ENOX1: variants seen among roughly 807,000 people sequenced by gnomAD.
ENOX1 encodes ecto-NOX disulfide-thiol exchanger 1.
Under a neutral mutation model 82.5 loss-of-function variants are expected in ENOX1, and 42 were observed. The observed-to-expected ratio is 0.51, with a 90% CI of 0.40 to 0.66. The LOEUF (loss-of-function observed/expected upper bound fraction) is 0.66, where lower values mean the gene tolerates loss of function less well. Among genes scored for constraint, ENOX1 ranks in the 30% least tolerant of loss-of-function variants. ENOX1 has a pLI of 0.00. For synonymous variants in ENOX1, 271 were observed against 282.2 expected, an observed-to-expected ratio of 0.96 and a Z score of 0.40; for missense variants, 608 against 811.6, an observed-to-expected ratio of 0.75 and a Z score of 3.05.
At chr13:43,610,060 A>T (rs2082133511) in intron 2 of ENOX1, 1 of 203,612 alleles carries the variant, frequency 4.9e-6, no homozygotes, top group Admixed American at 6.5e-5. Flanking sequence ...TTTCACTTTG[A>T]CCCATTTCAA....
At chr13:43,423,450 T>C (rs78537561) in intron 3 of ENOX1, among the ~76,000 whole-genome samples, 4,731 of 152,322 alleles carry the variant, frequency 0.031, 127 homozygotes, top group Non-Finnish European at 0.053. Context: ...TACAGGTTCA[T>C]AGAGTAATTC....
At chr13:43,391,965 T>C (rs532020405) in intron 5 of ENOX1, among the ~76,000 whole-genome samples, 3 of 152,308 alleles carry the variant, frequency 2.0e-5, no homozygotes, top group African/African-American at 4.8e-5. Context: ...GCTCTTCACA[T>C]AACCAGTTCC....
At chr13:43,447,312 G>A (rs928236822) in intron 3 of ENOX1, among the ~76,000 whole-genome samples, 38 of 152,254 alleles carry the variant, frequency 2.5e-4, no homozygotes, top group African/African-American at 9.1e-4. Context: ...AAAGTATGTC[G>A]ATGTCACTTG....
At chr13:43,310,118 G>A (rs1446189355) in intron 11 of ENOX1, among the ~76,000 whole-genome samples, 1 of 19,684 alleles carries the variant, frequency 5.1e-5, no homozygotes, top group Non-Finnish European at 3.1e-4. Flanking sequence ...CAGGAGAATC[G>A]CTTGAACCCG....
At chr13:43,425,438 G>A (rs753751344) in intron 3 of ENOX1, among the ~76,000 whole-genome samples, 2 of 152,054 alleles carry the variant, frequency 1.3e-5, no homozygotes, top group Non-Finnish European at 2.9e-5. Context: ...CACCCCTACC[G>A]TCCCCCATTA....
intron 1 of ENOX1, among the ~76,000 whole-genome samples, chr13:43,732,877 G>C (rs9567256): frequency 0.32 from 48,518 of 152,000 alleles, 8,172 homozygotes; most frequent in East Asian, 0.48. Flanking sequence ...TTGCCCATTA[G>C]ACTGCTCTGA....
At chr13:43,219,068 T>C (rs17460206) in intron 16 of ENOX1, among the ~76,000 whole-genome samples, 33,626 of 152,058 alleles carry the variant, frequency 0.22, 4,259 homozygotes, top group Non-Finnish European at 0.29. Flanking sequence ...GTTTACCCCT[T>C]TCCTCATCTC....
intron 3 of ENOX1, among the ~76,000 whole-genome samples, chr13:43,435,894 T>C (rs1365446247): frequency 2.7e-5 from 4 of 147,602 alleles, no homozygotes; most frequent in Admixed American, 6.8e-5. Flanking sequence ...GAAAACACCA[T>C]GAATGGAGAA....
Position 43,427,061 on chromosome 13 carries a change from T to C in ENOX1, c.-74-14073A>G, listed in dbSNP as rs1174300635. Among the ~76,000 whole-genome samples, 4 of 152,328 alleles carry C rather than the reference T, an allele frequency of 2.6e-5. No individual in the cohort carries two copies. In the East Asian group the frequency reaches 7.7e-4, roughly 29 times the overall value. Reference sequence around the variant, plus strand: ...TTTGCACAGAAATGCAATGACACAGTTCTCTTCAATCTGAGAGTAAATATC... The same window carrying C: ...TTTGCACAGAAATGCAATGACACAGCTCTCTTCAATCTGAGAGTAAATATC... On this transcript the variant is annotated intron_variant, in intron 3 of 16. Coordinates refer to ENST00000690772, the MANE Select transcript of ENOX1 (RefSeq NM_001347969.2).
intron 2 of ENOX1, among the ~76,000 whole-genome samples, chr13:43,609,591 A>G (rs1566627633): frequency 6.6e-6 from 1 of 152,228 alleles, no homozygotes; most frequent in Non-Finnish European, 1.5e-5. Flanking sequence ...CTAAAAGGCA[A>G]AGCAATTATA....
At chr13:43,690,497 A>T (rs1481103291) in intron 1 of ENOX1, among the ~76,000 whole-genome samples, 1 of 152,154 alleles carries the variant, frequency 6.6e-6, no homozygotes. Flanking sequence ...TCAGTAGCAC[A>T]AATCATATGC....
chr13:43,650,645 C>G (rs1214612405), intron 2 of ENOX1, among the ~76,000 whole-genome samples: 2 of 75,560 alleles, frequency 2.6e-5, no homozygotes, highest in African/African-American at 5.3e-5. Context: ...TCGAGACCAT[C>G]CTGGGCAACA....
At chr13:43,428,804 G>C (rs1209038539) in intron 3 of ENOX1, among the ~76,000 whole-genome samples, 2 of 152,132 alleles carry the variant, frequency 1.3e-5, no homozygotes, top group African/African-American at 4.8e-5. Context: ...CGGGTGGGGG[G>C]TACTGTGGAG....
chr13:43,492,527 A>G (rs767805181), intron 2 of ENOX1, among the ~76,000 whole-genome samples: 2 of 152,226 alleles, frequency 1.3e-5, no homozygotes, highest in Non-Finnish European at 2.9e-5. Flanking sequence ...TGCTTACATT[A>G]GAACTAAAAC....
At chr13:43,367,805 G>C (rs766382201) in intron 5 of ENOX1, among the ~76,000 whole-genome samples, 9 of 152,116 alleles carry the variant, frequency 5.9e-5, no homozygotes, top group Non-Finnish European at 8.8e-5. Context: ...CAGCTGACCA[G>C]GTTCTTGAAA....
intron 3 of ENOX1, among the ~76,000 whole-genome samples, chr13:43,463,139 A>G (rs2057565371): frequency 6.6e-6 from 1 of 152,212 alleles, no homozygotes; most frequent in Non-Finnish European, 1.5e-5. Context: ...ACACGCTAGC[A>G]AATGATGCTT....
chr13:43,500,685 TAAC>T (rs1178456371), intron 2 of ENOX1, among the ~76,000 whole-genome samples: 11 of 151,930 alleles, frequency 7.2e-5, no homozygotes, highest in Admixed American at 7.2e-4. Context: ...GACTAATACA[TAAC>T]AATGTATATT....
At chr13:43,551,243 T>C (rs2079182466) in intron 2 of ENOX1, among the ~76,000 whole-genome samples, 1 of 152,200 alleles carries the variant, frequency 6.6e-6, no homozygotes, top group South Asian at 2.1e-4. Flanking sequence ...ATGGAGCAAT[T>C]AGATCAAGTT....
At chr13:43,354,073 G>C (rs1461267914) in intron 8 of ENOX1, among the ~76,000 whole-genome samples, 1 of 152,136 alleles carries the variant, frequency 6.6e-6, no homozygotes, top group Non-Finnish European at 1.5e-5. Context: ...TCTAGGTGTG[G>C]ACAAACTGAA....
Sources: gnomAD v4.1 joint callset for allele counts (sites outside exome capture counted in the v4.1 genomes callset) on GRCh38, gnomAD v4.1.1 for gene constraint, MANE v1.5 for transcripts, NCBI Gene and HGNC (gene_info 2026-07-23, HGNC 2026-07-21) for gene names.